GRM1: variants seen among roughly 807,000 people sequenced by gnomAD.
GRM1 encodes the protein metabotropic glutamate receptor 1.
Under a neutral mutation model 90.9 loss-of-function variants are expected in GRM1, and 33 were observed. The ratio of observed to expected loss-of-function variants is 0.36; its 90% CI spans 0.28 to 0.49. GRM1 has a LOEUF of 0.49. Among genes scored for constraint, GRM1 ranks in the 20% least tolerant of loss-of-function variants. GRM1 has a pLI of 0.99. For synonymous variants in GRM1, 700 were observed against 613.2 expected (o/e 1.14, Z -2.09); for missense variants, 1,190 against 1,534.3 (o/e 0.78, Z 3.75).
intron 2 of GRM1, among the ~76,000 whole-genome samples, chr6:146,288,424 T>C (rs1325060891): frequency 6.6e-6 from 1 of 152,186 alleles, no homozygotes; most frequent in African/African-American, 2.4e-5. Context: ...CCAAGCAAAG[T>C]GTTCAAAATG....
intron 7 of GRM1, among the ~76,000 whole-genome samples, chr6:146,413,555 C>T (rs1006037354): frequency 6.6e-6 from 1 of 152,094 alleles, no homozygotes; most frequent in African/African-American, 2.4e-5. Flanking sequence ...TTTATTCTCT[C>T]ATTTCATGTA....
intron 1 of GRM1, among the ~76,000 whole-genome samples, chr6:146,145,103 C>T (rs970613687): frequency 5.3e-5 from 8 of 151,718 alleles, no homozygotes; most frequent in African/African-American, 1.5e-4. Flanking sequence ...CTGCTAATCC[C>T]GAAATTCAGG....
intron 3 of GRM1, among the ~76,000 whole-genome samples, chr6:146,327,726 G>A (rs1784441161): frequency 6.6e-6 from 1 of 151,984 alleles, no homozygotes; most frequent in Non-Finnish European, 1.5e-5. Flanking sequence ...GATCCTACAG[G>A]GCTCTTCTCC....
At chr6:146,406,688 G>A (rs924753692) in intron 7 of GRM1, among the ~76,000 whole-genome samples, 2 of 152,074 alleles carry the variant, frequency 1.3e-5, no homozygotes, top group Non-Finnish European at 2.9e-5. Flanking sequence ...AATAAAATTA[G>A]CCAGGCGTGG....
intron 2 of GRM1, among the ~76,000 whole-genome samples, chr6:146,201,336 A>G (rs1779290473): frequency 1.3e-5 from 2 of 152,210 alleles, no homozygotes; most frequent in Non-Finnish European, 1.5e-5. Context: ...GAAAATGTTC[A>G]AGGATTCTGT....
intron 1 of GRM1, among the ~76,000 whole-genome samples, chr6:146,107,647 G>T (rs1337638455): frequency 6.6e-6 from 1 of 152,108 alleles, no homozygotes; most frequent in African/African-American, 2.4e-5. Flanking sequence ...TCTTTCATTT[G>T]CATTTATCTC....
rs188762824 is a variant in GRM1, at chr6:146,208,753, C to A, written c.950+49156C>A. 3.1e-3 allele frequency among the ~76,000 whole-genome samples: 479 copies of A among 152,120 alleles called. 4 individuals are homozygous for A. The highest frequency in any genetic ancestry group is 0.011 in the African/African-American group (465 of 41,522). On this transcript the variant is annotated intron_variant, in intron 2 of 7. Transcript: ENST00000282753. ...CCCTAGAAGAAAGATAAATTACTGG[C>A]AGTATTTTGTCAATAATAATAATTC...
Position 146,159,591 on chromosome 6 carries a change from T to A in GRM1, c.944T>A (p.Ile315Asn). The A allele has an allele frequency of 6.2e-7, 1 of 1,606,026 alleles. No homozygotes were observed. The highest frequency in any genetic ancestry group is 8.5e-7 in the Non-Finnish European group (1 of 1,175,502). Residue 315 changes from isoleucine (I) to asparagine (N), a missense_variant, in exon 2 of 8, where the codon ATT (isoleucine) becomes AAT (asparagine). Transcript: ENST00000282753. Reference protein sequence around the residue: ...RLGVVGEFSLIGSDGWADRDE... With the variant: ...RLGVVGEFSLNGSDGWADRDE... ...GGCGTCGTGGGCGAGTTCTCACTCATTGGAAGGTAAGTTTCTCTCTCTCTC... is the reference window on the plus strand; with the variant it reads ...GGCGTCGTGGGCGAGTTCTCACTCAATGGAAGGTAAGTTTCTCTCTCTCTC...
chr6:146,104,872 C>G (rs777119189), intron 1 of GRM1, among the ~76,000 whole-genome samples: 12 of 152,260 alleles, frequency 7.9e-5, no homozygotes, highest in Admixed American at 5.9e-4. Context: ...TTTAGTTAAA[C>G]ATGTAGTGCT....
At chr6:146,150,890 T>G (rs1173867473) in intron 1 of GRM1, among the ~76,000 whole-genome samples, 1 of 151,892 alleles carries the variant, frequency 6.6e-6, no homozygotes, top group Non-Finnish European at 1.5e-5. Flanking sequence ...GTTTCACTAT[T>G]TATTGGCTGA....
Position 146,353,535 on chromosome 6 carries a change from C to T in GRM1, c.1433+1039C>T, listed in dbSNP as rs150888647. Among the ~76,000 whole-genome samples, 130 of 152,272 alleles carry T rather than the reference C, an allele frequency of 8.5e-4. 1 individual carries two copies. Among genetic ancestry groups the T allele is most frequent in the African/African-American group, 2.6e-3 (108 of 41,560 alleles). ...TCACCTAATGTCCACAGATTGCAAG[C>T]GGTGGAGGCAAGTGCTCTCACTCTG... On this transcript the variant is annotated intron_variant, in intron 4 of 7. Coordinates refer to ENST00000282753, the MANE Select transcript of GRM1 (RefSeq NM_001278064.2).
chr6:146,414,198 C>G (rs1777676026), intron 7 of GRM1, among the ~76,000 whole-genome samples: 1 of 152,040 alleles, frequency 6.6e-6, no homozygotes, highest in African/African-American at 2.4e-5. Flanking sequence ...TGTTGATAGT[C>G]TTTTAAATTT....
rs187608000 is a variant in GRM1, at chr6:146,263,500, A to C, written c.951-41111A>C. Among the ~76,000 whole-genome samples the C allele has an allele frequency of 2.6e-3, 390 of 152,130 alleles. 4 individuals carry two copies. Among genetic ancestry groups the C allele is most frequent in the Admixed American group, 6.1e-3 (93 of 15,288 alleles). The stretch of plus-strand genomic sequence containing the variant: ...CATATAAAATTCTAAGTGTATGTTC[A>C]AAAAATTATAAAATAGCAGGGAAGT... On this transcript the variant is annotated intron_variant, in intron 2 of 7. Coordinates refer to ENST00000282753, the MANE Select transcript of GRM1 (RefSeq NM_001278064.2).
intron 1 of GRM1, among the ~76,000 whole-genome samples, chr6:146,144,649 G>A (rs1777021636): frequency 1.3e-5 from 2 of 152,174 alleles, no homozygotes; most frequent in African/African-American, 4.8e-5. Flanking sequence ...CACCAGGAGT[G>A]GGGTTGTTGC....
intron 2 of GRM1, among the ~76,000 whole-genome samples, chr6:146,287,052 A>G (rs953638052): frequency 2.6e-5 from 4 of 152,188 alleles, no homozygotes; most frequent in African/African-American, 9.6e-5. Context: ...AGGGAGAAAA[A>G]AGAATACAGC....
chr6:146,155,657 A>G (rs745306215), intron 1 of GRM1, among the ~76,000 whole-genome samples: 3 of 152,216 alleles, frequency 2.0e-5, no homozygotes, highest in Non-Finnish European at 4.4e-5. Flanking sequence ...CCAGTAGCAG[A>G]GCATCTTTTC....
intron 7 of GRM1, among the ~76,000 whole-genome samples, chr6:146,415,098 G>T (rs1219814525): frequency 1.3e-5 from 2 of 152,180 alleles, no homozygotes; most frequent in Non-Finnish European, 2.9e-5. Flanking sequence ...TACCATAGAA[G>T]TTTATTTTTT....
At chr6:146,127,254 T>C (rs921038257) in intron 1 of GRM1, among the ~76,000 whole-genome samples, 1 of 152,192 alleles carries the variant, frequency 6.6e-6, no homozygotes, top group South Asian at 2.1e-4. Flanking sequence ...CTGAACATCC[T>C]GCAGCCAAGA....
intron 7 of GRM1, among the ~76,000 whole-genome samples, chr6:146,423,739 A>T (rs555561156): frequency 1.3e-5 from 2 of 152,214 alleles, no homozygotes; most frequent in East Asian, 3.9e-4. Context: ...CGAGTTGCTA[A>T]GTTGTCAAGG....
Sources: gnomAD v4.1 joint callset for allele counts (sites outside exome capture counted in the v4.1 genomes callset) on GRCh38, gnomAD v4.1.1 for gene constraint, MANE v1.5 for transcripts, NCBI Gene and HGNC (gene_info 2026-07-23, HGNC 2026-07-21) for gene names.